Variants in MYO5B observed in about 807,000 individuals in gnomAD.
MYO5B encodes the protein unconventional myosin-Vb.
MYO5B carries 143 observed loss-of-function variants against 229.3 expected under a neutral mutation model. The observed-to-expected ratio is 0.62, with a 90% CI of 0.54 to 0.72. The LOEUF (loss-of-function observed/expected upper bound fraction) is 0.72. Ranked by LOEUF, MYO5B falls within the 30% of genes least tolerant of loss-of-function variation. The pLI is 0.00. For synonymous variants in MYO5B, 918 were observed against 885.2 expected (o/e 1.04, Z -0.66); for missense variants, 2,321 against 2,331.0 (o/e 1.00, Z 0.09).
chr18:50,048,454 C>T (rs1416791869), intron 2 of MYO5B, among the ~76,000 whole-genome samples: 1 of 152,160 alleles, frequency 6.6e-6, no homozygotes. Flanking sequence ...GCTCTGCTCT[C>T]TAAGGTCACA....
At chr18:49,994,039 C>T (rs898026166) in intron 5 of MYO5B, among the ~76,000 whole-genome samples, 4 of 152,130 alleles carry the variant, frequency 2.6e-5, no homozygotes, top group African/African-American at 7.2e-5. Context: ...TTCCCATAGG[C>T]AGTTCCCTCT....
chr18:49,921,039 A>G (rs935190043), intron 17 of MYO5B, among the ~76,000 whole-genome samples: 17 of 152,210 alleles, frequency 1.1e-4, no homozygotes, highest in African/African-American at 3.9e-4. Flanking sequence ...TAGCAAGGGA[A>G]GTAACTGTGC....
intron 22 of MYO5B, 50 bp downstream of exon 22, chr18:49,894,891 G>A: frequency 6.5e-7 from 1 of 1,535,548 alleles, no homozygotes; most frequent in South Asian, 1.1e-5. Context: ...GTGGCTCCGT[G>A]TGCCCACCCA....
rs1028561319 is a variant in MYO5B at position 49,929,736 on chromosome 18, T to C, written c.2004-138A>G. ...CTGAGTTACAGCCACTGAGTTACCC[T>C]TGAGCTCAAGTCAGGGATTAGGCAT... On this transcript the variant is annotated intron_variant, in intron 16 of 39. Transcript: ENST00000285039. 2.7e-5 allele frequency: 21 copies of C among 778,946 alleles called. No individual in the cohort carries two copies. The African/African-American group carries it at 2.8e-4, about 10-fold the overall frequency. 48.3% of individuals were successfully genotyped at this position (778,946 alleles called of 1,614,324 possible).
At position 49,894,168 on chromosome 18, in the gene MYO5B, A is replaced by G. The variant is rs2024749869; in HGVS notation, c.3045+773T>C. Among the ~76,000 whole-genome samples the G allele has an allele frequency of 2.6e-5, 4 of 152,114 alleles. No homozygotes were observed. The South Asian group carries it at 8.3e-4, about 31-fold the overall frequency. The stretch of plus-strand genomic sequence containing the variant: ...TTGAAGTTGTTACTCCAACACCCTG[A>G]ACACTGGATCTCTCCCTCTTAGATC... On this transcript the variant is annotated intron_variant, in intron 22 of 39. Coordinates refer to ENST00000285039, the MANE Select transcript of MYO5B (RefSeq NM_001080467.3).
chr18:50,009,090 T>C (rs1301263694), intron 4 of MYO5B, among the ~76,000 whole-genome samples: 1 of 152,180 alleles, frequency 6.6e-6, no homozygotes, highest in Non-Finnish European at 1.5e-5. Flanking sequence ...GATAATAGTA[T>C]ATATGTGCCG....
rs796149345 is a variant in MYO5B, at chr18:49,936,436, T to C, written c.1906-87A>G. 18 of 906,318 alleles carry C rather than the reference T, an allele frequency of 2.0e-5. No individual in the cohort carries two copies. The African/African-American group carries it at 2.1e-4, about 11-fold the overall frequency. The allele number at this position is 906,318 out of a possible 1,614,324, so 56.1% of individuals were successfully genotyped here. A position where few individuals can be genotyped will look rare whatever the true frequency, so the allele number is the denominator to read the frequency against. ...AAACTCATATATGGGTGGCGGTAGT[T>C]ATTGTTACTATTATATTATTAATCC... On this transcript the variant is annotated intron_variant, in intron 15 of 39. Transcript: ENST00000285039.
At chr18:49,848,340 C>A (rs201542392) in intron 32 of MYO5B, among the ~76,000 whole-genome samples, 142 of 151,994 alleles carry the variant, frequency 9.3e-4, no homozygotes, top group South Asian at 2.7e-3. Context: ...CTGGAAGGAC[C>A]CCACAGAAGA....
chr18:49,963,376 C>G (rs1179269401), intron 10 of MYO5B, among the ~76,000 whole-genome samples: 3 of 151,506 alleles, frequency 2.0e-5, no homozygotes, highest in Non-Finnish European at 4.4e-5. Context: ...AAAGTCAGAA[C>G]TATGTAACAT....
chr18:50,090,004 T>C (rs8085101), intron 1 of MYO5B, among the ~76,000 whole-genome samples: 152,176 of 152,312 alleles, frequency 1, 76,020 homozygotes, highest in Middle Eastern at 1. Context: ...ACCACCTCCT[T>C]CAGCCTCTCT....
At chr18:50,004,940 C>G (rs1042224570) in intron 4 of MYO5B, among the ~76,000 whole-genome samples, 1 of 152,238 alleles carries the variant, frequency 6.6e-6, no homozygotes, top group African/African-American at 2.4e-5. Context: ...GGCCGCACCA[C>G]TGATTAGCTG....
chr18:50,162,092 T>C (rs988558342), intron 1 of MYO5B, among the ~76,000 whole-genome samples: 19 of 152,250 alleles, frequency 1.2e-4, no homozygotes, highest in Admixed American at 1.2e-3. Flanking sequence ...AAGAGGTCTG[T>C]CTTGCAAGAT....
At chr18:49,947,185 A>C (rs111813333) in intron 14 of MYO5B, among the ~76,000 whole-genome samples, 1 of 145,138 alleles carries the variant, frequency 6.9e-6, no homozygotes, top group Non-Finnish European at 1.5e-5. Context: ...AGCTCACTGC[A>C]AACTCCACCT....
At chr18:50,008,564 G>T (rs1421119995) in intron 4 of MYO5B, among the ~76,000 whole-genome samples, 1 of 152,150 alleles carries the variant, frequency 6.6e-6, no homozygotes, top group Non-Finnish European at 1.5e-5. Flanking sequence ...GAATGGGAGG[G>T]AGTTGAGCCT....
chr18:50,032,502 T>C (rs966880141), intron 4 of MYO5B, among the ~76,000 whole-genome samples: 1 of 152,254 alleles, frequency 6.6e-6, no homozygotes, highest in African/African-American at 2.4e-5. Flanking sequence ...TGATTTAGCA[T>C]ATTTTCAAGG....
At chr18:49,839,348 C>G (rs962819319) in intron 35 of MYO5B, 54 bp from the exon 36 acceptor site, 13 of 1,597,538 alleles carry the variant, frequency 8.1e-6, no homozygotes, top group African/African-American at 1.3e-5. Context: ...GGGCCCAGCA[C>G]AACTTCCAGG....
chr18:50,191,383 AC>A (rs1034828089), intron 1 of MYO5B, among the ~76,000 whole-genome samples: 12 of 152,136 alleles, frequency 7.9e-5, no homozygotes, highest in African/African-American at 2.9e-4. Context: ...AATTATGCCA[AC>A]CCCTCACACC....
intron 2 of MYO5B, among the ~76,000 whole-genome samples, chr18:50,043,340 T>A (rs1205541713): frequency 2.2e-5 from 2 of 92,712 alleles, no homozygotes; most frequent in African/African-American, 8.5e-5. Flanking sequence ...TTTATATATT[T>A]ATATTATATA....
intron 17 of MYO5B, among the ~76,000 whole-genome samples, chr18:49,926,841 T>C (rs1418146958): frequency 6.6e-6 from 1 of 152,212 alleles, no homozygotes; most frequent in African/African-American, 2.4e-5. Flanking sequence ...TACTCAGCCT[T>C]AACAAGGAAG....
Sources: allele counts gnomAD v4.1 joint callset (sites outside exome capture counted in the v4.1 genomes callset), GRCh38; gene constraint gnomAD v4.1.1; transcripts MANE v1.5; gene names NCBI Gene and HGNC (gene_info 2026-07-23, HGNC 2026-07-21).